DPP6: variants seen among roughly 807,000 people sequenced by gnomAD.
DPP6 encodes A-type potassium channel modulatory protein DPP6.
In DPP6, 69 loss-of-function variants were observed where a neutral mutation model predicts 122.6. That is an observed-to-expected ratio of 0.56 (90% CI 0.46 to 0.69). DPP6 has a LOEUF of 0.69. Ranked by LOEUF, DPP6 falls within the 30% of genes least tolerant of loss-of-function variation. DPP6 has a pLI of 0.00. For missense variants in DPP6, 928 were observed against 1,116.9 expected, an observed-to-expected ratio of 0.83 and a Z score of 2.41; for synonymous variants, 418 against 433.1, an observed-to-expected ratio of 0.97 and a Z score of 0.43.
At chr7:154,246,745 T>C (rs1484979672) in intron 1 of DPP6, among the ~76,000 whole-genome samples, 4 of 152,146 alleles carry the variant, frequency 2.6e-5, no homozygotes, top group South Asian at 2.1e-4. Context: ...TATACAACCA[T>C]TGATTTTTGA....
intron 2 of DPP6, among the ~76,000 whole-genome samples, chr7:154,458,866 A>C (rs914745279): frequency 2.0e-5 from 3 of 152,218 alleles, no homozygotes; most frequent in African/African-American, 7.2e-5. Context: ...CTGGGCTCCT[A>C]GCTCAGCTCT....
At chr7:154,862,903 C>T (rs73485699) in intron 17 of DPP6, among the ~76,000 whole-genome samples, 14,683 of 152,248 alleles carry the variant, frequency 0.096, 1,629 homozygotes, top group African/African-American at 0.27. Flanking sequence ...ACTCAACATT[C>T]GGAGTTCAGA....
intron 1 of DPP6, among the ~76,000 whole-genome samples, chr7:154,342,768 G>A (rs1187382291): frequency 5.3e-5 from 8 of 152,146 alleles, no homozygotes; most frequent in Non-Finnish European, 8.8e-5. Context: ...TTCCAAATGC[G>A]AGATTCCAAA....
chr7:154,303,403 T>G (rs1044884040), intron 1 of DPP6, among the ~76,000 whole-genome samples: 21 of 152,192 alleles, frequency 1.4e-4, no homozygotes, highest in Middle Eastern at 3.4e-3. Flanking sequence ...TTGGTGACCT[T>G]ACACCGCAGT....
intron 7 of DPP6, among the ~76,000 whole-genome samples, chr7:154,679,444 C>T (rs572447208): frequency 3.9e-5 from 6 of 152,224 alleles, no homozygotes; most frequent in South Asian, 2.1e-4. Context: ...GCATCCGGTC[C>T]GCAGTTCCCC....
At chr7:153,983,398 G>C (rs954769505) in intron 1 of DPP6, among the ~76,000 whole-genome samples, 1 of 152,240 alleles carries the variant, frequency 6.6e-6, no homozygotes, top group African/African-American at 2.4e-5. Flanking sequence ...CCCCTCCCCT[G>C]ACCAAGCTTG....
At chr7:154,751,603 CTG>C in intron 8 of DPP6, among the ~76,000 whole-genome samples, 1 of 127,606 alleles carries the variant, frequency 7.8e-6, no homozygotes, top group Non-Finnish European at 1.6e-5. Context: ...GAGTGAGACT[CTG>C]TCTCAAAAAA....
intron 1 of DPP6, among the ~76,000 whole-genome samples, chr7:154,166,415 C>T (rs1206636782): frequency 2.6e-5 from 4 of 151,970 alleles, no homozygotes; most frequent in Non-Finnish European, 4.4e-5. Flanking sequence ...GGGAGCATTG[C>T]GGGAGCACTG....
intron 8 of DPP6, among the ~76,000 whole-genome samples, chr7:154,745,624 T>C (rs553218279): frequency 1.8e-4 from 28 of 152,324 alleles, no homozygotes; most frequent in African/African-American, 6.5e-4. Context: ...GCAAGACACA[T>C]GCACCAGCAC....
chr7:153,982,919 C>T (rs1796664547), intron 1 of DPP6, among the ~76,000 whole-genome samples: 1 of 152,208 alleles, frequency 6.6e-6, no homozygotes, highest in South Asian at 2.1e-4. Context: ...CTTCTGGAAG[C>T]TTGGTCCCAG....
chr7:154,683,425 G>A (rs990276926), intron 7 of DPP6, among the ~76,000 whole-genome samples: 3 of 151,954 alleles, frequency 2.0e-5, no homozygotes, highest in Non-Finnish European at 2.9e-5. Context: ...CTCCCCCACC[G>A]GCTTGATCCA....
intron 1 of DPP6, among the ~76,000 whole-genome samples, chr7:154,445,252 T>C (rs1186903422): frequency 6.6e-5 from 10 of 152,230 alleles, no homozygotes; most frequent in Admixed American, 3.3e-4. Context: ...AGACTATACA[T>C]GGACAGAAGT....
At chr7:154,053,113 C>T (rs1158801651) in intron 1 of DPP6, 50 bp downstream of exon 1, 1 of 1,054,408 alleles carries the variant, frequency 9.5e-7, no homozygotes, top group East Asian at 6.1e-5. Flanking sequence ...CCGGGCTGAG[C>T]GCGCAGCGAG....
intron 1 of DPP6, among the ~76,000 whole-genome samples, chr7:153,981,425 C>T (rs534792711): frequency 6.6e-6 from 1 of 152,260 alleles, no homozygotes; most frequent in East Asian, 1.9e-4. Context: ...TTATTTTAAG[C>T]CTATGTGTGT....
chr7:154,363,680 A>AT, intron 1 of DPP6, among the ~76,000 whole-genome samples: 1 of 152,120 alleles, frequency 6.6e-6, no homozygotes, highest in Non-Finnish European at 1.5e-5. Flanking sequence ...GAAAATGTCT[A>AT]TTTTTTAAGA....
chr7:153,968,762 G>A (rs1795877183), intron 1 of DPP6: 1 of 151,478 alleles, frequency 6.6e-6, no homozygotes, highest in African/African-American at 2.5e-5. Flanking sequence ...TGACCCTCAT[G>A]CCTCCGTGTA....
chr7:154,002,017 T>A (rs974874382), intron 1 of DPP6, among the ~76,000 whole-genome samples: 3 of 152,174 alleles, frequency 2.0e-5, no homozygotes, highest in African/African-American at 7.2e-5. Flanking sequence ...GTATTTGAAC[T>A]GTGTATTGTT....
chr7:154,119,112 C>A (rs1807228354), intron 1 of DPP6, among the ~76,000 whole-genome samples: 1 of 152,166 alleles, frequency 6.6e-6, no homozygotes, highest in Non-Finnish European at 1.5e-5. Flanking sequence ...ATGGATTGGG[C>A]TATAATCAAC....
At chr7:154,588,298 C>A (rs1832601699) in intron 5 of DPP6, 1 of 754,598 alleles carries the variant, frequency 1.3e-6, no homozygotes, top group Non-Finnish European at 2.0e-6. Context: ...GAATACTGAA[C>A]TGATAATCAT....
Sources: allele counts gnomAD v4.1 joint callset (sites outside exome capture counted in the v4.1 genomes callset), GRCh38; gene constraint gnomAD v4.1.1; transcripts MANE v1.5; gene names NCBI Gene and HGNC (gene_info 2026-07-23, HGNC 2026-07-21).